Variants in LRP4 observed in about 807,000 individuals in gnomAD.
LRP4 encodes the protein low-density lipoprotein receptor-related protein 4.
In LRP4, 95 loss-of-function variants were observed where a neutral mutation model predicts 220.3. The ratio of observed to expected loss-of-function variants is 0.43; its 90% CI spans 0.37 to 0.51. LRP4 has a LOEUF of 0.51. LRP4 is among the 20% of genes least tolerant of loss of function. LRP4 has a pLI of 0.00. For synonymous variants in LRP4, 903 were observed against 954.6 expected, an observed-to-expected ratio of 0.95 and a Z score of 1.00; for missense variants, 1,925 against 2,567.0, an observed-to-expected ratio of 0.75 and a Z score of 5.40.
chr11:46,893,908 T>TC (rs1303929777), intron 12 of LRP4, among the ~76,000 whole-genome samples: 1 of 151,498 alleles, frequency 6.6e-6, no homozygotes, highest in Non-Finnish European at 1.5e-5. Context: ...ACTATTTTTT[T>TC]TTTTTTTTTG....
Position 46,894,829 on chromosome 11 carries a change from A to G in LRP4, c.1310-10T>C, listed in dbSNP as rs372947466. On this transcript the variant is annotated splice_polypyrimidine_tract_variant and intron_variant, in intron 11 of 37. Transcript: ENST00000378623. ...AGCACAGGCTCTGGCCCTGGGAAAC[A>G]GTATAAACATGGGATACCCACTGGG... 5.6e-6 allele frequency: 9 copies of G among 1,612,398 alleles called. No individual in the cohort carries two copies. The highest frequency in any genetic ancestry group is 2.7e-5 in the African/African-American group (2 of 74,896).
chr11:46,912,422 G>T (rs764882124), intron 1 of LRP4, among the ~76,000 whole-genome samples: 43 of 152,328 alleles, frequency 2.8e-4, no homozygotes, highest in Non-Finnish European at 4.9e-4. Context: ...TTGTAGAGTT[G>T]TTGGCTTTTA....
chr11:46,913,864 A>T (rs1247750155), intron 1 of LRP4, among the ~76,000 whole-genome samples: 10 of 152,168 alleles, frequency 6.6e-5, no homozygotes. Flanking sequence ...AGTGGGCACA[A>T]GTGGGAACTA....
chr11:46,893,268 T>TA, intron 12 of LRP4, 139 bp from the exon 13 acceptor site: 4 of 804,454 alleles, frequency 5.0e-6, no homozygotes. Context: ...TGAATTCATT[T>TA]AAGCATCACA....
In LRP4 at chr11:46,902,917, C is replaced by T; in HGVS notation, c.65G>A (p.Ser22Asn). The change falls in exon 2 of 38, where the codon AGC (serine) becomes AAC (asparagine). Residue 22 changes from serine to asparagine, a missense_variant. Physicochemically the swap from Ser to Asn is conservative, Grantham distance 46. Transcript: ENST00000378623. ...ALLCAHGLAS[S>N]PECACGRSHF... Reference sequence around the variant, plus strand: ...GCTCCGACCACAAGCACACTCGGGGCTGCTGGCCAGGCCTGGGCGGAGGGA... The same window carrying T: ...GCTCCGACCACAAGCACACTCGGGGTTGCTGGCCAGGCCTGGGCGGAGGGA... 1.2e-6 allele frequency: 2 copies of T among 1,614,094 alleles called. No homozygotes were observed. The highest frequency in any genetic ancestry group is 1.7e-6 in the Non-Finnish European group (2 of 1,180,030).
chr11:46,911,608 A>AAAAAAAAAAAAAAAAAAG (rs60596634), intron 1 of LRP4, among the ~76,000 whole-genome samples: 1 of 140,020 alleles, frequency 7.1e-6, no homozygotes, highest in African/African-American at 2.7e-5. Context: ...AAATAAATAA[A>AAAAAAAAAAAAAAAAAAG]TAAATAAAAA....
chr11:46,899,774 G>T lies in LRP4; in HGVS notation c.430+89C>A. The T allele has an allele frequency of 1.8e-6, 2 of 1,091,280 alleles. No homozygotes were observed. Among genetic ancestry groups the T allele is most frequent in the Non-Finnish European group, 2.8e-6 (2 of 712,054 alleles). 67.6% of individuals were successfully genotyped at this position (1,091,280 alleles called of 1,614,324 possible). A position where few individuals can be genotyped will look rare whatever the true frequency, so the allele number is the denominator to read the frequency against. The stretch of plus-strand genomic sequence containing the variant: ...AGATATCTGGGCAGTTGGAGGTTTG[G>T]CAGTGCTAGGGCCATTGCTGCTATC... On this transcript the variant is annotated intron_variant, in intron 4 of 37. Coordinates refer to ENST00000378623, the MANE Select transcript of LRP4 (RefSeq NM_002334.4). The surrounding 1 kb of genome is among the most constrained non-coding windows in gnomAD (Gnocchi z 5.9).
At chr11:46,905,081 C>T (rs1217432051) in intron 1 of LRP4, among the ~76,000 whole-genome samples, 1 of 151,918 alleles carries the variant, frequency 6.6e-6, no homozygotes, top group Non-Finnish European at 1.5e-5. Context: ...GAAGGCCTTG[C>T]TCCAAGCCCA....
chr11:46,883,838 G>A, intron 19 of LRP4, 33 bp downstream of exon 19: 1 of 1,501,990 alleles, frequency 6.7e-7, no homozygotes, highest in Non-Finnish European at 9.3e-7. Flanking sequence ...GGGAGGGGTG[G>A]ATGGAGCTCA....
intron 23 of LRP4, 31 bp downstream of exon 23, chr11:46,877,168 A>G (rs770857081): frequency 3.1e-6 from 5 of 1,612,636 alleles, no homozygotes; most frequent in Non-Finnish European, 4.2e-6. Flanking sequence ...CAGGGACAGA[A>G]GGCCAGGTGG....
In LRP4 at chr11:46,859,247, C is replaced by T. The variant is rs748845761; in HGVS notation, c.5454G>A (p.Gly1818=). ...KIVEGICLLS[G]DDAEWDDLKQ... is the part of the protein sequence containing the mutation. ...TGAGGTCATCCCACTCAGCATCATC[C>T]CCAGACAGGAGGCAGATTCCCTCTA... Residue 1818 remains glycine (G), a synonymous_variant, in exon 38 of 38, where the codon GGG becomes GGA. Coordinates refer to ENST00000378623, the MANE Select transcript of LRP4 (RefSeq NM_002334.4). 3 of 1,614,120 alleles carry T rather than the reference C, an allele frequency of 1.9e-6. No homozygotes were observed. Among genetic ancestry groups the T allele is most frequent in the Middle Eastern group, 3.3e-4 (2 of 6,062 alleles).
Position 46,857,257 on chromosome 11 carries a change from G to A in LRP4, c.*1726C>T, listed in dbSNP as rs1035471297. On this transcript the variant is annotated 3_prime_UTR_variant, in exon 38 of 38. Coordinates refer to ENST00000378623, the MANE Select transcript of LRP4 (RefSeq NM_002334.4). ...GGGGAGGCTCAGAACTGGGGCTGAC[G>A]CTACTGAGAGCAAGGCTAAGGGCCT... The A allele has an allele frequency of 6.6e-6, 1 of 152,264 alleles. No homozygotes were observed. Among genetic ancestry groups the A allele is most frequent in the East Asian group, 1.9e-4 (1 of 5,200 alleles). The allele number at this position is 152,264 out of a possible 1,614,324, so 9.4% of individuals were successfully genotyped here. A position where few individuals can be genotyped will look rare whatever the true frequency, so the allele number is the denominator to read the frequency against.
intron 6 of LRP4, 72 bp downstream of exon 6, chr11:46,898,832 G>C: frequency 3.7e-6 from 6 of 1,609,376 alleles, no homozygotes; most frequent in Non-Finnish European, 5.1e-6. Context: ...CCCAGCTGGC[G>C]ACTGTGCCTT....
At chr11:46,916,785 C>T (rs1941952427) in intron 1 of LRP4, among the ~76,000 whole-genome samples, 1 of 152,128 alleles carries the variant, frequency 6.6e-6, no homozygotes, top group Admixed American at 6.5e-5. Flanking sequence ...AAAGTTCCAT[C>T]CCCTTTCCTT....
At chr11:46,916,095 G>A (rs935341353) in intron 1 of LRP4, among the ~76,000 whole-genome samples, 6 of 152,024 alleles carry the variant, frequency 3.9e-5, no homozygotes, top group Non-Finnish European at 7.4e-5. Flanking sequence ...ACAAACATGT[G>A]CACAGAAAGC....
intron 1 of LRP4, among the ~76,000 whole-genome samples, chr11:46,915,878 C>T (rs1264830765): frequency 6.6e-6 from 1 of 152,154 alleles, no homozygotes; most frequent in Non-Finnish European, 1.5e-5. Context: ...TCTACTACTA[C>T]ATTTATCACA....
intron 1 of LRP4, 78 bp from the exon 2 acceptor site, chr11:46,903,007 G>A: frequency 1.3e-6 from 2 of 1,575,874 alleles, no homozygotes; most frequent in South Asian, 1.1e-5. Flanking sequence ...AAGTAGAGGA[G>A]CCTAGTCCAG....
At chr11:46,876,118 G>A in intron 25 of LRP4, 152 bp from the exon 26 acceptor site, 1 of 806,182 alleles carries the variant, frequency 1.2e-6, no homozygotes, top group Non-Finnish European at 2.1e-6. Flanking sequence ...AATACTTCAT[G>A]TGCATTATCT....
In LRP4 at chr11:46,906,868, C is replaced by G. The variant is rs768930401; in HGVS notation, c.53-3939G>C. On this transcript the variant is annotated intron_variant, in intron 1 of 37. Coordinates refer to ENST00000378623, the MANE Select transcript of LRP4 (RefSeq NM_002334.4). ...TGAAGGGCCTCGACTTCCTGCATGT[C>G]AAATCAACATCTCAGCGTCCGCTGC... 2.8e-4 allele frequency among the ~76,000 whole-genome samples: 43 copies of G among 152,160 alleles called. 1 individual carries two copies. Among genetic ancestry groups the G allele is most frequent in the Non-Finnish European group, 8.8e-5 (6 of 68,026 alleles).
Sources: gnomAD v4.1 joint callset for allele counts (sites outside exome capture counted in the v4.1 genomes callset) on GRCh38, gnomAD v4.1.1 for gene constraint, Gnocchi (gnomAD v3.1) non-coding constraint, MANE v1.5 for transcripts, NCBI Gene and HGNC (gene_info 2026-07-23, HGNC 2026-07-21) for gene names.